Variants in TNPO1 observed in about 807,000 individuals in gnomAD.
The protein encoded by TNPO1 is transportin 1, also known as transportin-1.
A neutral mutation model predicts 119.5 loss-of-function variants in TNPO1; 8 were observed. That is an observed-to-expected ratio of 0.07 (90% CI 0.04 to 0.12). The LOEUF is 0.12. TNPO1 is among the 10% of genes least tolerant of loss of function. The pLI is 1.00. For missense variants in TNPO1, 576 were observed against 1,089.8 expected, an observed-to-expected ratio of 0.53 and a Z score of 6.64; for synonymous variants, 362 against 363.0, an observed-to-expected ratio of 1.00 and a Z score of 0.03.
intron 22 of TNPO1, 89 bp from the exon 23 acceptor site, chr5:72,903,620 T>A (rs1749940585): frequency 1.2e-6 from 1 of 808,196 alleles, no homozygotes. Flanking sequence ...TAGATTCTAT[T>A]GTGACATAAA....
intron 9 of TNPO1, 128 bp downstream of exon 9, chr5:72,877,474 T>G (rs1271541420): frequency 2.0e-6 from 1 of 508,138 alleles, no homozygotes; most frequent in Non-Finnish European, 3.5e-6. Context: ...CAGACTTAAT[T>G]TTATTGTTGG....
At position 72,913,237 on chromosome 5, in the gene TNPO1, T is replaced by A. The variant is rs1235278153; in HGVS notation, c.*4564T>A. ...TCTAATGCCTCTCTAAAATTAAATT[T>A]TACATAAAAGTTAGTTTTATTCACC... On this transcript the variant is annotated 3_prime_UTR_variant, in exon 25 of 25. Transcript: ENST00000337273. 1 of 152,462 alleles carries A rather than the reference T, an allele frequency of 6.6e-6. No homozygotes were observed. The highest frequency in any genetic ancestry group is 6.6e-5 in the Admixed American group (1 of 15,266). 9.4% of individuals were successfully genotyped at this position (152,462 alleles called of 1,614,324 possible). A position where few individuals can be genotyped will look rare whatever the true frequency, so the allele number is the denominator to read the frequency against.
At chr5:72,887,489 C>G (rs1046505444) in intron 12 of TNPO1, among the ~76,000 whole-genome samples, 1 of 152,130 alleles carries the variant, frequency 6.6e-6, no homozygotes, top group Non-Finnish European at 1.5e-5. Context: ...GGTTTCAAGA[C>G]CAGCCTGGTT....
intron 4 of TNPO1, among the ~76,000 whole-genome samples, chr5:72,856,168 G>A (rs562926095): frequency 3.3e-4 from 50 of 152,272 alleles, no homozygotes; most frequent in South Asian, 4.1e-4. Flanking sequence ...TGGTTAAAAT[G>A]GGGCATCAAC....
Position 72,910,485 on chromosome 5 carries a change from CTTT to C in TNPO1, c.*1815_*1817del, listed in dbSNP as rs1400266268. 6.6e-6 allele frequency: 1 copy of C among 152,558 alleles called. No individual in the cohort carries two copies. Among genetic ancestry groups the C allele is most frequent in the Non-Finnish European group, 1.5e-5 (1 of 67,996 alleles). 9.5% of individuals were successfully genotyped at this position (152,558 alleles called of 1,614,324 possible). ...GATGAAGGAAAATGGAGAGATTTTT[CTTT>C]TTAACTCTGCTGGTCAGAGATGAAG... On this transcript the variant is annotated 3_prime_UTR_variant, in exon 25 of 25. Coordinates refer to ENST00000337273, the MANE Select transcript of TNPO1 (RefSeq NM_002270.4).
intron 3 of TNPO1, among the ~76,000 whole-genome samples, chr5:72,853,032 T>G (rs1270538946): frequency 1.3e-5 from 2 of 152,236 alleles, no homozygotes; most frequent in African/African-American, 4.8e-5. Flanking sequence ...AGCTGTCCAC[T>G]CTCATGTTCT....
rs1184752601 is a variant in TNPO1 at position 72,869,060 on chromosome 5, A to G, written c.596+3331A>G. On this transcript the variant is annotated intron_variant, in intron 6 of 24. Transcript: ENST00000337273. ...TGCAATGAATTTCTACACAGCAAGG[A>G]AAGAGTTGTACAAACAGCTCAAACT... is the stretch of plus-strand genomic sequence containing the variant. Among the ~76,000 whole-genome samples, 8 of 152,318 alleles carry G rather than the reference A, an allele frequency of 5.3e-5. No homozygotes were observed. In the South Asian group the frequency reaches 1.0e-3, roughly 20 times the overall value.
chr5:72,855,664 G>C, intron 3 of TNPO1, 110 bp from the exon 4 acceptor site: 1 of 869,896 alleles, frequency 1.1e-6, no homozygotes, highest in South Asian at 1.8e-5. Flanking sequence ...ACTGGTTATA[G>C]CAAGTTTGAA....
intron 5 of TNPO1, among the ~76,000 whole-genome samples, chr5:72,862,926 G>A (rs1019792109): frequency 6.6e-6 from 1 of 151,948 alleles, no homozygotes; most frequent in African/African-American, 2.4e-5. Flanking sequence ...AGGATTACAG[G>A]TGTGAGCCAC....
At position 72,893,503 on chromosome 5, in the gene TNPO1, A is replaced by G. The variant is rs1230034702; in HGVS notation, c.2023A>G (p.Asn675Asp). ...GNIEQLVARS[N>D]ILTLMYQCMQ... ...CATTGAACAGCTGGTAGCCCGAAGTAACATCCTGACACTAATGTATCAGTG... is the reference window on the plus strand; with the variant it reads ...CATTGAACAGCTGGTAGCCCGAAGTGACATCCTGACACTAATGTATCAGTG... The change falls in exon 17 of 25, where the codon AAC becomes GAC. Residue 675 changes from asparagine to aspartate, a missense_variant. Asn to Asp is a conservative substitution (Grantham distance 23, BLOSUM62 1). Coordinates refer to ENST00000337273, the MANE Select transcript of TNPO1 (RefSeq NM_002270.4). The G allele has an allele frequency of 1.2e-6, 2 of 1,614,106 alleles. No individual in the cohort carries two copies. Among genetic ancestry groups the G allele is most frequent in the Admixed American group, 3.3e-5 (2 of 60,008 alleles).
At chr5:72,878,033 A>G (rs1176138761) in intron 9 of TNPO1, among the ~76,000 whole-genome samples, 1 of 152,158 alleles carries the variant, frequency 6.6e-6, no homozygotes, top group Non-Finnish European at 1.5e-5. Context: ...CAGTTATTGT[A>G]TGCTGTGTGC....
Position 72,908,806 on chromosome 5 carries a change from A to G in TNPO1, c.*133A>G, listed in dbSNP as rs960852326. The G allele has an allele frequency of 2.8e-5, 12 of 427,586 alleles. No homozygotes were observed. Among genetic ancestry groups the G allele is most frequent in the African/African-American group, 1.6e-4 (8 of 48,792 alleles). 26.5% of individuals were successfully genotyped at this position (427,586 alleles called of 1,614,324 possible). A position where few individuals can be genotyped will look rare whatever the true frequency, so the allele number is the denominator to read the frequency against. On this transcript the variant is annotated 3_prime_UTR_variant, in exon 25 of 25. Transcript: ENST00000337273. ...GTAAACCAGTAGGGAATACAGTACA[A>G]TCCCAACCCTACTGGGAGGGGCGGG... is the stretch of plus-strand genomic sequence containing the variant.
intron 2 of TNPO1, 89 bp from the exon 3 acceptor site, chr5:72,851,155 C>A (rs1324390052): frequency 6.3e-6 from 5 of 799,888 alleles, no homozygotes; most frequent in Non-Finnish European, 8.3e-6. Context: ...GAAAATACCA[C>A]CAAAGAGATC....
chr5:72,821,468 G>GTATA (rs1414090956), intron 1 of TNPO1, among the ~76,000 whole-genome samples: 4 of 152,148 alleles, frequency 2.6e-5, no homozygotes, highest in African/African-American at 9.7e-5. Flanking sequence ...GAATATAAAA[G>GTATA]TACAGAACTA....
intron 6 of TNPO1, 64 bp from the exon 7 acceptor site, chr5:72,872,575 C>A: frequency 1.7e-6 from 2 of 1,157,280 alleles, no homozygotes; most frequent in Admixed American, 2.3e-5. Context: ...ATGTTTTTAC[C>A]AATTTTCTAT....
At chr5:72,832,473 A>G (rs1050350226) in intron 1 of TNPO1, among the ~76,000 whole-genome samples, 1 of 152,102 alleles carries the variant, frequency 6.6e-6, no homozygotes. Flanking sequence ...GCTCTCTTTT[A>G]TGCTTGTTCA....
intron 1 of TNPO1, among the ~76,000 whole-genome samples, chr5:72,846,213 A>AT (rs1401936950): frequency 4.6e-5 from 7 of 152,164 alleles, no homozygotes; most frequent in African/African-American, 1.7e-4. Context: ...TGGTACAAGA[A>AT]TTTTTTTGCT....
intron 18 of TNPO1, among the ~76,000 whole-genome samples, chr5:72,893,913 T>C (rs977663256): frequency 6.6e-5 from 10 of 152,232 alleles, no homozygotes; most frequent in African/African-American, 2.4e-4. Context: ...CTCAGCTTTT[T>C]AGGTACTCCT....
chr5:72,851,212 A>G (rs1335008435), intron 2 of TNPO1, 32 bp from the exon 3 acceptor site: 1 of 1,303,476 alleles, frequency 7.7e-7, no homozygotes, highest in Admixed American at 1.8e-5. Context: ...GAGATTACAC[A>G]GAGAAGTTTC....
Sources: gnomAD v4.1 joint callset for allele counts (sites outside exome capture counted in the v4.1 genomes callset) on GRCh38, gnomAD v4.1.1 for gene constraint, MANE v1.5 for transcripts, NCBI Gene and HGNC (gene_info 2026-07-23, HGNC 2026-07-21) for gene names.